Variants in ZNF333 observed in about 807,000 individuals in gnomAD.
ZNF333 encodes the protein zinc finger protein 333.
ZNF333 carries 61 observed loss-of-function variants against 76.1 expected under a neutral mutation model. The observed-to-expected ratio is 0.80, with a 90% confidence interval of 0.65 to 0.99. ZNF333 has a LOEUF of 0.99. Ranked by LOEUF, ZNF333 falls within the 50% of genes least tolerant of loss-of-function variation. The pLI, the probability that ZNF333 is intolerant of heterozygous loss-of-function variation, is 0.00. For missense variants in ZNF333, 717 were observed against 822.4 expected, an observed-to-expected ratio of 0.87 and a Z score of 1.57; for synonymous variants, 284 against 305.0, an observed-to-expected ratio of 0.93 and a Z score of 0.72.
At chr19:14,716,369 C>A in intron 9 of ZNF333, 131 bp downstream of exon 9, 1 of 1,041,542 alleles carries the variant, frequency 9.6e-7, no homozygotes, top group Non-Finnish European at 1.4e-6. Context: ...GGTGATCCTC[C>A]CACCCCAGCC....
At chr19:14,731,116 T>G in intron 11 of ZNF333, 1 of 1,477,294 alleles carries the variant, frequency 6.8e-7, no homozygotes, top group Non-Finnish European at 9.1e-7. Flanking sequence ...TTGGCCCCTT[T>G]ATTCATTCAA....
chr19:14,701,110 T>C (rs891871166), intron 5 of ZNF333, among the ~76,000 whole-genome samples: 6 of 152,216 alleles, frequency 3.9e-5, no homozygotes, highest in Non-Finnish European at 8.8e-5. Context: ...CAGTAGCTCC[T>C]TGGGATCAGG....
In ZNF333 at chr19:14,716,988, G is replaced by A. The variant is rs1411614938; in HGVS notation, c.728-6G>A. ...CGCACAACATGTGTTTTTTTCTCAT[G>A]AGCAGCTGATCAACTGTGCAAACCC... On this transcript the variant is annotated splice_polypyrimidine_tract_variant and splice_region_variant and intron_variant, in intron 9 of 11. Transcript: ENST00000292530. 4.4e-6 allele frequency: 7 copies of A among 1,608,046 alleles called. No homozygotes were observed. The African/African-American group carries it at 9.4e-5, about 21-fold the overall frequency.
downstream of ZNF333, among the ~76,000 whole-genome samples, chr19:14,723,934 A>G (rs771330201): frequency 7.2e-5 from 11 of 152,190 alleles, no homozygotes; most frequent in Admixed American, 5.2e-4. Context: ...TTCTCATCCA[A>G]TCCAGGATGC....
Position 14,720,275 on chromosome 19 carries a change from A to C in ZNF333, c.*950A>C. 1.0e-6 allele frequency: 1 copy of C among 985,416 alleles called. No homozygotes were observed. The highest frequency in any genetic ancestry group is 1.2e-6 in the Non-Finnish European group (1 of 829,918). The allele number at this position is 985,416 out of a possible 1,614,324, so 61.0% of individuals were successfully genotyped here. On this transcript the variant is annotated 3_prime_UTR_variant, in exon 12 of 12. Transcript: ENST00000292530. ...TTTCCTCCGGTCCTGGCTAGTATGAATATGAGAAGTCACTGGATGTGACTC... is the reference window on the plus strand; with the variant it reads ...TTTCCTCCGGTCCTGGCTAGTATGACTATGAGAAGTCACTGGATGTGACTC...
downstream of ZNF333, among the ~76,000 whole-genome samples, chr19:14,726,447 C>A (rs143482356): frequency 1.3e-5 from 2 of 152,278 alleles, no homozygotes; most frequent in African/African-American, 2.4e-5. Context: ...TTAAATTCTT[C>A]CCCCGAAAAT....
intron 9 of ZNF333, 149 bp from the exon 10 acceptor site, chr19:14,716,842 TCAG>T: frequency 1.6e-6 from 1 of 622,774 alleles, no homozygotes; most frequent in Non-Finnish European, 2.7e-6. Context: ...ATTTAGTTGC[TCAG>T]TGGAAGAGTT....
Position 14,718,500 on chromosome 19 carries a change from G to C in ZNF333, c.1173G>C (p.Glu391Asp), listed in dbSNP as rs746949198. 1 of 1,614,230 alleles carries C rather than the reference G, an allele frequency of 6.2e-7. No individual in the cohort carries two copies. The highest frequency in any genetic ancestry group is 1.3e-5 in the African/African-American group (1 of 75,066). Residue 391 changes from glutamate (E) to aspartate (D), a missense_variant, in exon 12 of 12, where the codon GAG (glutamate) becomes GAC (aspartate). Physicochemically the swap from Glu to Asp is conservative, Grantham distance 45. Transcript: ENST00000292530. The stretch of plus-strand genomic sequence containing the variant: ...GGCATGAGAAGACTCATACTGCAGA[G>C]AAGTGCTTTGACTGTCAAGAATGTG... ...LIRHEKTHTA[E>D]KCFDCQECGQ...
At chr19:14,701,404 T>TACAC (rs1317646654) in intron 5 of ZNF333, among the ~76,000 whole-genome samples, 1 of 152,212 alleles carries the variant, frequency 6.6e-6, no homozygotes, top group Non-Finnish European at 1.5e-5. Context: ...TACACCTGGC[T>TACAC]GATTTTAAAA....
intron 7 of ZNF333, among the ~76,000 whole-genome samples, chr19:14,711,758 A>G (rs2042282128): frequency 6.6e-6 from 1 of 152,164 alleles, no homozygotes; most frequent in Non-Finnish European, 1.5e-5. Flanking sequence ...TTTTGTGCCA[A>G]GTAAGGTATC....
intron 7 of ZNF333, chr19:14,708,664 A>T (rs1377653308): frequency 2.5e-5 from 8 of 323,592 alleles, no homozygotes; most frequent in Non-Finnish European, 5.6e-6. Context: ...CCTGGCCTCA[A>T]CTCACTAGAT....
chr19:14,709,403 G>A lies in ZNF333; in HGVS notation c.511+2630G>A, dbSNP rs189285770. Among the ~76,000 whole-genome samples the A allele has an allele frequency of 3.6e-3, 543 of 152,302 alleles. 4 individuals are homozygous for A. Among genetic ancestry groups the A allele is most frequent in the African/African-American group, 0.012 (507 of 41,556 alleles). On this transcript the variant is annotated intron_variant, in intron 7 of 11. Coordinates refer to ENST00000292530, the MANE Select transcript of ZNF333 (RefSeq NM_032433.4). Reference sequence around the variant, plus strand: ...CTATGTTCAAATATGGTTACCAGGGGTGAGATAAGATACTAGGGGTTAAGA... The same window carrying A: ...CTATGTTCAAATATGGTTACCAGGGATGAGATAAGATACTAGGGGTTAAGA...
chr19:14,691,620 T>C (rs929208734), intron 1 of ZNF333, among the ~76,000 whole-genome samples: 3 of 151,824 alleles, frequency 2.0e-5, no homozygotes, highest in African/African-American at 7.3e-5. Flanking sequence ...TTATGTCTTA[T>C]GAAAGACAGG....
At chr19:14,717,124 G>A (rs895143045) in intron 10 of ZNF333, 35 bp downstream of exon 10, 2 of 1,549,188 alleles carry the variant, frequency 1.3e-6, no homozygotes, top group African/African-American at 2.7e-5. Flanking sequence ...CATCAGCTCT[G>A]GTCAGTAAGG....
chr19:14,707,886 G>C (rs930961180), intron 7 of ZNF333: 1 of 399,962 alleles, frequency 2.5e-6, no homozygotes. Context: ...ATCCACTCTT[G>C]TGTCTGGAAT....
intron 5 of ZNF333, among the ~76,000 whole-genome samples, chr19:14,704,705 C>T (rs2042058901): frequency 6.6e-6 from 1 of 152,188 alleles, no homozygotes; most frequent in Non-Finnish European, 1.5e-5. Context: ...GAGACTTACT[C>T]ATTATCACGA....
downstream of ZNF333, among the ~76,000 whole-genome samples, chr19:14,724,260 C>G (rs2042620283): frequency 6.6e-6 from 1 of 152,198 alleles, no homozygotes; most frequent in African/African-American, 2.4e-5. Context: ...GAGAAATACA[C>G]ACACTTTAGA....
intron 7 of ZNF333, among the ~76,000 whole-genome samples, chr19:14,713,514 G>T (rs2042337944): frequency 6.6e-6 from 1 of 152,138 alleles, no homozygotes; most frequent in South Asian, 2.1e-4. Flanking sequence ...AATGGGTGAG[G>T]TTGCACACCA....
intron 7 of ZNF333, chr19:14,708,169 G>T (rs1487234393): frequency 2.6e-6 from 1 of 391,312 alleles, no homozygotes; most frequent in East Asian, 3.6e-5. Flanking sequence ...TACCATGCCC[G>T]GCTAATTTTT....
Sources: gnomAD v4.1 joint callset for allele counts (sites outside exome capture counted in the v4.1 genomes callset) on GRCh38, gnomAD v4.1.1 for gene constraint, MANE v1.5 for transcripts, NCBI Gene and HGNC (gene_info 2026-07-23, HGNC 2026-07-21) for gene names.